SULF2: variants seen among roughly 807,000 people sequenced by gnomAD.
SULF2 encodes the protein extracellular sulfatase Sulf-2.
In SULF2, 52 loss-of-function variants were observed where a neutral mutation model predicts 107.7. The ratio of observed to expected loss-of-function variants is 0.48; its 90% CI spans 0.39 to 0.61. The LOEUF (loss-of-function observed/expected upper bound fraction) is 0.61. Among genes scored for constraint, SULF2 ranks in the 20% least tolerant of loss-of-function variants. SULF2 has a pLI of 0.00. For synonymous variants in SULF2, 460 were observed against 464.3 expected (o/e 0.99, Z 0.12); for missense variants, 993 against 1,177.3 (o/e 0.84, Z 2.29).
At chr20:47,664,328 G>A in intron 14 of SULF2, 139 bp from the exon 15 acceptor site, 2 of 807,020 alleles carry the variant, frequency 2.5e-6, no homozygotes, top group South Asian at 3.2e-5. Flanking sequence ...GTGGTGGGTA[G>A]GGCATGACCC....
chr20:47,745,460 CAT>C (rs1435691592), intron 2 of SULF2, among the ~76,000 whole-genome samples: 3,316 of 14,898 alleles, frequency 0.22, 278 homozygotes, highest in African/African-American at 0.28. Flanking sequence ...TATATATACA[CAT>C]ACACACACAC....
Position 47,678,775 on chromosome 20 carries a change from A to G in SULF2, c.1094T>C (p.Leu365Pro), listed in dbSNP as rs554049549. 2.5e-6 allele frequency: 4 copies of G among 1,613,478 alleles called. No homozygotes were observed. The highest frequency in any genetic ancestry group is 1.3e-5 in the African/African-American group (1 of 74,920). ...TGCAATGTCCAGGATGGTGGGGGCC[A>G]GGTCAATGTTGAGGACGATGTGGGG... ...LNPHIVLNID[L>P]APTILDIAGL... Residue 365 changes from leucine (L) to proline (P), a missense_variant, in exon 8 of 21, where the codon CTG becomes CCG. Physicochemically the swap from Leu to Pro is moderately conservative, Grantham distance 98. This residue lies in a region of SULF2 where 108 missense variants were observed against 183.9 expected (regional missense o/e 0.59). Coordinates refer to ENST00000688720, the MANE Select transcript of SULF2 (RefSeq NM_001387048.1). This position sits in a 1 kb window ranked among gnomAD's most constrained non-coding sequence, Gnocchi z 4.5.
At chr20:47,667,379 A>G (rs1292356797) in intron 11 of SULF2, among the ~76,000 whole-genome samples, 1 of 151,674 alleles carries the variant, frequency 6.6e-6, no homozygotes, top group Non-Finnish European at 1.5e-5. Flanking sequence ...GACGCTGAAA[A>G]CTCAGGGGTG....
At chr20:47,751,965 C>T (rs1399676814) in intron 2 of SULF2, among the ~76,000 whole-genome samples, 2 of 152,150 alleles carry the variant, frequency 1.3e-5, no homozygotes, top group Non-Finnish European at 2.9e-5. Context: ...TGACAAGTGT[C>T]ACTCAAATTA....
In SULF2 at chr20:47,683,013, T is replaced by C. The variant is rs779890797; in HGVS notation, c.1045A>G (p.Asn349Asp). 2 of 1,610,654 alleles carry C rather than the reference T, an allele frequency of 1.2e-6. No homozygotes were observed. The highest frequency in any genetic ancestry group is 2.2e-5 in the South Asian group (2 of 90,824). The change falls in exon 7 of 21, where the codon AAC (asparagine) becomes GAC (aspartate). Residue 349 changes from asparagine (N) to aspartate (D), a missense_variant. Physicochemically the swap from Asn to Asp is conservative, Grantham distance 23 (BLOSUM62 1). Around this residue, in one of 3 missense-constraint regions of SULF2, gnomAD observed 108 missense variants for 183.9 expected, o/e 0.59. Coordinates refer to ENST00000688720, the MANE Select transcript of SULF2 (RefSeq NM_001387048.1). Reference sequence around the variant, plus strand: ...ACTTACAGACAGCCGGCTTCCACGTTGGGGCCCCTCACGTAGAACGGGACC... The same window carrying C: ...ACTTACAGACAGCCGGCTTCCACGTCGGGGCCCCTCACGTAGAACGGGACC... ...IRVPFYVRGP[N>D]VEAGCLNPHI...
chr20:47,780,868 C>T (rs1042225396), intron 1 of SULF2, among the ~76,000 whole-genome samples: 1 of 152,310 alleles, frequency 6.6e-6, no homozygotes, highest in African/African-American at 2.4e-5. Flanking sequence ...GCATTTTCCC[C>T]GCCTTCTGAC....
intron 3 of SULF2, among the ~76,000 whole-genome samples, chr20:47,724,180 G>A (rs780972326): frequency 2.0e-5 from 3 of 152,232 alleles, no homozygotes; most frequent in Non-Finnish European, 4.4e-5. Context: ...GTGGGCAGCC[G>A]TAGGAGGTTT....
chr20:47,666,054 C>A lies in SULF2; in HGVS notation c.1806-101G>T, dbSNP rs377019002. Reference sequence around the variant, plus strand: ...AAGCCCTTGCCGAGGTCTGTCCTGTCCCCTTCACCCTCGACTTCCACCTGG... The same window carrying A: ...AAGCCCTTGCCGAGGTCTGTCCTGTACCCTTCACCCTCGACTTCCACCTGG... On this transcript the variant is annotated intron_variant, in intron 12 of 20. Transcript: ENST00000688720. The surrounding 1 kb of genome is among the most constrained non-coding windows in gnomAD (Gnocchi z 5.4). 892 of 1,588,166 alleles carry A rather than the reference C, an allele frequency of 5.6e-4. 6 individuals carry two copies. The African/African-American group carries it at 0.011, about 19-fold the overall frequency.
At chr20:47,724,048 C>T (rs2089369476) in intron 3 of SULF2, among the ~76,000 whole-genome samples, 1 of 152,164 alleles carries the variant, frequency 6.6e-6, no homozygotes, top group African/African-American at 2.4e-5. Context: ...AGAGGCTAGG[C>T]AGCCTGAGTG....
At chr20:47,714,494 C>T (rs2089043205) in intron 3 of SULF2, among the ~76,000 whole-genome samples, 1 of 152,196 alleles carries the variant, frequency 6.6e-6, no homozygotes. Context: ...CTGTCACCAT[C>T]TTGGTCCAAG....
chr20:47,696,498 T>TAG (rs1379970128), intron 4 of SULF2, among the ~76,000 whole-genome samples: 64 of 152,320 alleles, frequency 4.2e-4, no homozygotes, highest in Admixed American at 1.2e-3. Flanking sequence ...TTTATGCATC[T>TAG]TTTTATATTA....
At chr20:47,663,714 G>T in intron 15 of SULF2, 92 bp from the exon 16 acceptor site, 1 of 1,403,118 alleles carries the variant, frequency 7.1e-7, no homozygotes, top group Non-Finnish European at 9.6e-7. Flanking sequence ...GGGCTTCGCT[G>T]AGGCTTCTCC....
In SULF2 at chr20:47,661,837, G is replaced by A; in HGVS notation, c.2430C>T (p.Leu810=). Residue 810 remains leucine (L), a synonymous_variant, in exon 18 of 21, where the codon CTC becomes CTT. Transcript: ENST00000688720. ...RDVLNQLHVQ[L]MELRSCKGYK... is the part of the protein sequence containing the mutation. The stretch of plus-strand genomic sequence containing the variant: ...AACCCTTGCAGCTCCTCAGCTCCAT[G>A]AGCTGTACGTGTAGCTGGTTGAGGA... 1.9e-6 allele frequency: 3 copies of A among 1,595,516 alleles called. No individual in the cohort carries two copies. The highest frequency in any genetic ancestry group is 2.6e-6 in the Non-Finnish European group (3 of 1,167,536).
At chr20:47,735,298 A>G (rs1405641941) in intron 3 of SULF2, among the ~76,000 whole-genome samples, 1 of 152,028 alleles carries the variant, frequency 6.6e-6, no homozygotes, top group Non-Finnish European at 1.5e-5. Flanking sequence ...CCACACACTC[A>G]CTCCTCAGAC....
chr20:47,691,889 A>G (rs1265028454), intron 4 of SULF2, among the ~76,000 whole-genome samples: 1 of 152,118 alleles, frequency 6.6e-6, no homozygotes, highest in African/African-American at 2.4e-5. Flanking sequence ...TATACTCTTT[A>G]ATTTTTTTTT....
At chr20:47,691,064 G>A (rs1381907597) in intron 4 of SULF2, among the ~76,000 whole-genome samples, 1 of 152,076 alleles carries the variant, frequency 6.6e-6, no homozygotes, top group East Asian at 1.9e-4. Flanking sequence ...TTGCCCAATG[G>A]CACACAGCTA....
intron 7 of SULF2, among the ~76,000 whole-genome samples, chr20:47,679,183 G>A (rs1602625019): frequency 6.6e-6 from 1 of 152,078 alleles, no homozygotes; most frequent in African/African-American, 2.4e-5. Context: ...GCTCCTCGCT[G>A]TTCCTTGACA....
At position 47,760,985 on chromosome 20, in the gene SULF2, C is replaced by A. The variant is rs150642059; in HGVS notation, c.-100-3522G>T. On this transcript the variant is annotated intron_variant, in intron 1 of 20. Transcript: ENST00000688720. ...TTGCTGAAAGACCCTGAGCTAGTAA[C>A]TTAACACCTTTGTGCCTCAGTTTCC... Among the ~76,000 whole-genome samples, 3 of 152,224 alleles carry A rather than the reference C, an allele frequency of 2.0e-5. No homozygotes were observed. In the East Asian group the frequency reaches 5.8e-4, roughly 29 times the overall value.
intron 2 of SULF2, among the ~76,000 whole-genome samples, chr20:47,742,852 A>G (rs1298313298): frequency 2.0e-5 from 3 of 151,544 alleles, no homozygotes; most frequent in South Asian, 2.1e-4. Flanking sequence ...TTGCTCTTCT[A>G]AAGGTCTAAG....
Sources: allele counts gnomAD v4.1 joint callset (sites outside exome capture counted in the v4.1 genomes callset), GRCh38; gene constraint gnomAD v4.1.1; regional missense constraint gnomAD v4.1.1; non-coding constraint Gnocchi (gnomAD v3.1); transcripts MANE v1.5; gene names NCBI Gene and HGNC (gene_info 2026-07-23, HGNC 2026-07-21).